Variants in NTF3 observed in about 807,000 individuals in gnomAD.
The protein encoded by NTF3 is neurotrophin-3.
NTF3 carries 8 observed loss-of-function variants against 26.3 expected under a neutral mutation model. The observed-to-expected ratio is 0.30, with a 90% confidence interval of 0.18 to 0.55. The LOEUF (loss-of-function observed/expected upper bound fraction) is 0.55, where lower values mean the gene tolerates loss of function less well. NTF3 is among the 20% of genes least tolerant of loss of function. The pLI is 0.93. For missense variants in NTF3, 276 were observed against 352.9 expected, an observed-to-expected ratio of 0.78 and a Z score of 1.75; for synonymous variants, 154 against 145.5, an observed-to-expected ratio of 1.06 and a Z score of -0.42.
chr12:5,445,753 C>T (rs1321296391), intron 1 of NTF3, among the ~76,000 whole-genome samples: 1 of 152,228 alleles, frequency 6.6e-6, no homozygotes, highest in Non-Finnish European at 1.5e-5. Context: ...TGCTAATCTA[C>T]TCTGCTCTCC....
At chr12:5,493,145 C>T (rs1313895268) in intron 1 of NTF3, among the ~76,000 whole-genome samples, 2 of 152,192 alleles carry the variant, frequency 1.3e-5, no homozygotes, top group East Asian at 1.9e-4. Context: ...ACCCTCAGAA[C>T]ATCTGGGCTT....
chr12:5,454,571 C>T (rs1940413766), intron 1 of NTF3, among the ~76,000 whole-genome samples: 1 of 152,208 alleles, frequency 6.6e-6, no homozygotes, highest in African/African-American at 2.4e-5. Context: ...AACACATAGT[C>T]AGTTCTCTTT....
In NTF3 at chr12:5,490,501, C is replaced by T. The variant is rs541672134; in HGVS notation, c.19-3693C>T. On this transcript the variant is annotated intron_variant, in intron 1 of 1. Transcript: ENST00000423158. Reference sequence around the variant, plus strand: ...ACATTCCCCTAAATAGCAGAACTCGCTGCTGTGCCTTGCCTGGATGGAGCT... The same window carrying T: ...ACATTCCCCTAAATAGCAGAACTCGTTGCTGTGCCTTGCCTGGATGGAGCT... Among the ~76,000 whole-genome samples the T allele has an allele frequency of 2.0e-5, 3 of 152,338 alleles. No individual in the cohort carries two copies. The East Asian group carries it at 5.8e-4, about 29-fold the overall frequency.
Position 5,449,910 on chromosome 12 carries a change from A to C in NTF3, c.18+17568A>C, listed in dbSNP as rs189007026. Among the ~76,000 whole-genome samples the C allele has an allele frequency of 2.8e-4, 43 of 152,344 alleles. No individual in the cohort carries two copies. The East Asian group carries it at 8.3e-3, about 29-fold the overall frequency. On this transcript the variant is annotated intron_variant, in intron 1 of 1. Transcript: ENST00000423158. ...GATGATTTCTTCTCCTCCAGGAGGC[A>C]GGAATCCAAGGCTTATAAACCATGA...
chr12:5,455,036 A>G (rs1158469767), intron 1 of NTF3, among the ~76,000 whole-genome samples: 1 of 152,190 alleles, frequency 6.6e-6, no homozygotes, highest in Admixed American at 6.5e-5. Flanking sequence ...CTTCCTGGCC[A>G]GAATAACATT....
chr12:5,443,269 C>T (rs115972102), intron 1 of NTF3, among the ~76,000 whole-genome samples: 14 of 152,148 alleles, frequency 9.2e-5, no homozygotes, highest in Non-Finnish European at 1.8e-4. Flanking sequence ...AAGGGCCCCC[C>T]CATCCCCGAC....
In NTF3 at chr12:5,494,479, G is replaced by A. The variant is rs1239242731; in HGVS notation, c.304G>A (p.Asp102Asn). ...KSAFQPVIAM[D>N]TELLRQQRRY... ...AGCATTCCAGCCGGTGATTGCAATG[G>A]ACACCGAACTGCTGCGACAACAGAG... The change falls in exon 2 of 2, where the codon GAC becomes AAC. Residue 102 changes from aspartate (D) to asparagine (N), a missense_variant. Asp to Asn is a conservative substitution (Grantham distance 23, BLOSUM62 1). This residue lies in a region of NTF3 where 221 missense variants were observed against 258.2 expected (regional missense o/e 0.86). Transcript: ENST00000423158. This position sits in a 1 kb window ranked among gnomAD's most constrained non-coding sequence, Gnocchi z 8.3. 6.2e-7 allele frequency: 1 copy of A among 1,613,610 alleles called. No homozygotes were observed. Among genetic ancestry groups the A allele is most frequent in the Non-Finnish European group, 8.5e-7 (1 of 1,180,034 alleles).
At chr12:5,488,455 C>A (rs1368922097) in intron 1 of NTF3, among the ~76,000 whole-genome samples, 1 of 152,288 alleles carries the variant, frequency 6.6e-6, no homozygotes, top group African/African-American at 2.4e-5. Flanking sequence ...GAGGCTCCAC[C>A]AGGATCTCTC....
intron 1 of NTF3, among the ~76,000 whole-genome samples, chr12:5,470,693 A>G (rs748142636): frequency 1.6e-4 from 25 of 152,040 alleles, no homozygotes; most frequent in Non-Finnish European, 3.2e-4. Flanking sequence ...TTCACGTGGG[A>G]TTCAGCACTG....
chr12:5,474,587 G>A (rs1403580821), intron 1 of NTF3, among the ~76,000 whole-genome samples: 1 of 152,218 alleles, frequency 6.6e-6, no homozygotes. Context: ...AGACAATGCT[G>A]AGGAATTTTA....
chr12:5,461,818 G>A (rs1940529583), intron 1 of NTF3, among the ~76,000 whole-genome samples: 1 of 152,184 alleles, frequency 6.6e-6, no homozygotes, highest in Non-Finnish European at 1.5e-5. Flanking sequence ...GAAGCCCTTA[G>A]AAGGGAAACC....
At chr12:5,452,123 G>A (rs1318979055) in intron 1 of NTF3, among the ~76,000 whole-genome samples, 5 of 140,710 alleles carry the variant, frequency 3.6e-5, no homozygotes, top group Non-Finnish European at 6.0e-5. Context: ...TGTTGACGGA[G>A]TCTCACTCTC....
intron 1 of NTF3, among the ~76,000 whole-genome samples, chr12:5,441,718 A>G (rs560485759): frequency 1.3e-5 from 2 of 152,344 alleles, no homozygotes; most frequent in South Asian, 4.1e-4. Context: ...CAGAATGTGC[A>G]GCAGCGATTT....
intron 1 of NTF3, among the ~76,000 whole-genome samples, chr12:5,454,726 C>T (rs1234210682): frequency 1.3e-5 from 2 of 152,180 alleles, no homozygotes; most frequent in African/African-American, 4.8e-5. Flanking sequence ...TTTGCTCTTC[C>T]AACAATTTGG....
At chr12:5,462,541 C>A (rs1940537768) in intron 1 of NTF3, among the ~76,000 whole-genome samples, 1 of 152,174 alleles carries the variant, frequency 6.6e-6, no homozygotes, top group African/African-American at 2.4e-5. Flanking sequence ...AAGCACCCAG[C>A]AAGTGATAGC....
chr12:5,434,434 G>A (rs1940140266), intron 1 of NTF3, among the ~76,000 whole-genome samples: 1 of 151,906 alleles, frequency 6.6e-6, no homozygotes, highest in Non-Finnish European at 1.5e-5. Flanking sequence ...TGTGACCATT[G>A]AGTGAGTGGT....
chr12:5,453,902 A>G (rs1285603875), intron 1 of NTF3, among the ~76,000 whole-genome samples: 2 of 152,334 alleles, frequency 1.3e-5, no homozygotes, highest in South Asian at 2.1e-4. Context: ...GATCCAAGGT[A>G]TACATGATTT....
chr12:5,452,070 C>T (rs1220464740), intron 1 of NTF3, among the ~76,000 whole-genome samples: 3 of 150,206 alleles, frequency 2.0e-5, no homozygotes, highest in Non-Finnish European at 3.0e-5. Context: ...TTGCATTGTA[C>T]GTATCTCCCC....
chr12:5,470,893 A>G (rs1227735863), intron 1 of NTF3, among the ~76,000 whole-genome samples: 2 of 152,200 alleles, frequency 1.3e-5, no homozygotes, highest in Non-Finnish European at 2.9e-5. Flanking sequence ...GATAAAGTCT[A>G]TTATTTTGAA....
Sources: allele counts gnomAD v4.1 joint callset (sites outside exome capture counted in the v4.1 genomes callset), GRCh38; gene constraint gnomAD v4.1.1; regional missense constraint gnomAD v4.1.1; non-coding constraint Gnocchi (gnomAD v3.1); transcripts MANE v1.5; gene names NCBI Gene and HGNC (gene_info 2026-07-23, HGNC 2026-07-21).